Variants in P2RY8 observed in about 807,000 individuals in gnomAD.
P2RY8 encodes the protein P2Y receptor family member 8.
In P2RY8, 6 loss-of-function variants were observed where a neutral mutation model predicts 10.0. The ratio of observed to expected loss-of-function variants is 0.60; its 90% CI spans 0.33 to 1.19. The LOEUF (loss-of-function observed/expected upper bound fraction) is 1.19. P2RY8 is among the 50% of genes most tolerant of loss of function. P2RY8 has a pLI of 0.04. For synonymous variants in P2RY8, 276 were observed against 252.5 expected, an observed-to-expected ratio of 1.09 and a Z score of -0.88; for missense variants, 456 against 542.0, an observed-to-expected ratio of 0.84 and a Z score of 1.58.
chrX:1,535,704 C>G (rs772780828), intron 1 of P2RY8, among the ~76,000 whole-genome samples: 159 of 147,796 alleles, frequency 1.1e-3, no homozygotes, highest in African/African-American at 3.6e-3. Flanking sequence ...CACACACACA[C>G]ACACACACAC....
intron 1 of P2RY8, among the ~76,000 whole-genome samples, chrX:1,535,031 A>T (rs1185779575): frequency 6.6e-6 from 1 of 151,812 alleles, no homozygotes; most frequent in Middle Eastern, 3.2e-3. Flanking sequence ...CGTCCCATGC[A>T]CGCCTCTCTC....
chrX:1,509,356 C>A (rs2092272509), intron 1 of P2RY8, among the ~76,000 whole-genome samples: 1 of 148,622 alleles, frequency 6.7e-6, no homozygotes, highest in Admixed American at 6.8e-5. Context: ...TCCATCCATC[C>A]ATCCATCCAT....
intron 1 of P2RY8, among the ~76,000 whole-genome samples, chrX:1,472,131 G>A (rs1271589115): frequency 6.6e-6 from 1 of 151,810 alleles, no homozygotes; most frequent in Non-Finnish European, 1.5e-5. Flanking sequence ...AGTTGTCGTG[G>A]GCCACACCCT....
At chrX:1,502,936 A>T (rs2092194338) in intron 1 of P2RY8, among the ~76,000 whole-genome samples, 1 of 151,402 alleles carries the variant, frequency 6.6e-6, no homozygotes, top group Non-Finnish European at 1.5e-5. Context: ...TGAACAGCGG[A>T]TCCTGGAAAG....
intron 1 of P2RY8, among the ~76,000 whole-genome samples, chrX:1,510,690 G>A (rs1326864886): frequency 3.3e-5 from 5 of 151,700 alleles, no homozygotes; most frequent in Admixed American, 2.0e-4. Context: ...CCAGCCTGGC[G>A]ACCACAGTGA....
At chrX:1,526,680 TCATC>T (rs1159146608) in intron 1 of P2RY8, among the ~76,000 whole-genome samples, 56 of 151,444 alleles carry the variant, frequency 3.7e-4, no homozygotes, top group African/African-American at 1.2e-3. Context: ...TATTCAGCAT[TCATC>T]CATCCATCCA....
In P2RY8 at chrX:1,465,588, C is replaced by G; in HGVS notation, c.971G>C (p.Ser324Thr). The G allele has an allele frequency of 1.9e-6, 3 of 1,613,004 alleles. No homozygotes were observed. The highest frequency in any genetic ancestry group is 1.7e-6 in the Non-Finnish European group (2 of 1,179,810). ...GGACGTGGTCCTGGCGGAGAAGAGGCTCTCGCGGCGCGTGTCCAGGGTGTC... is the reference window on the plus strand; with the variant it reads ...GGACGTGGTCCTGGCGGAGAAGAGGGTCTCGCGGCGCGTGTCCAGGGTGTC... Reference protein sequence around the residue: ...PRDTLDTRRESLFSARTTSVR... With the variant: ...PRDTLDTRRETLFSARTTSVR... The change falls in exon 2 of 2, where the codon AGC (serine) becomes ACC (threonine). Residue 324 changes from serine (S) to threonine (T), a missense_variant. Transcript: ENST00000381297.
At chrX:1,513,893 A>G (rs1386009946) in intron 1 of P2RY8, among the ~76,000 whole-genome samples, 2 of 152,118 alleles carry the variant, frequency 1.3e-5, no homozygotes, top group Non-Finnish European at 2.9e-5. Flanking sequence ...TCTGTCTCTC[A>G]GAAGTGAACC....
chrX:1,523,110 TAAATA>T (rs1238181713), intron 1 of P2RY8, among the ~76,000 whole-genome samples: 104 of 148,816 alleles, frequency 7.0e-4, no homozygotes, highest in African/African-American at 2.5e-3. Context: ...AATAAATAAA[TAAATA>T]AATAAAACAA....
rs188558385 is a variant in P2RY8, at chrX:1,471,722, G to A, written c.-24-5140C>T. Among the ~76,000 whole-genome samples the A allele has an allele frequency of 3.3e-4, 50 of 152,170 alleles. No individual in the cohort carries two copies. In the East Asian group the frequency reaches 5.8e-3, roughly 18 times the overall value. On this transcript the variant is annotated intron_variant, in intron 1 of 1. Transcript: ENST00000381297. ...GCAGTGATCACTACAGTCTTGTTCC[G>A]GGTGGACCTTACAGGGTTGGGATGA...
intron 1 of P2RY8, among the ~76,000 whole-genome samples, chrX:1,468,286 A>G (rs1350219950): frequency 2.6e-5 from 4 of 152,184 alleles, no homozygotes; most frequent in Admixed American, 2.6e-4. Context: ...CCTCGCACAC[A>G]TTTAAACACC....
chrX:1,534,248 A>G lies in P2RY8; in HGVS notation c.-25+2673T>C, dbSNP rs778728822. The stretch of plus-strand genomic sequence containing the variant: ...ATATATTATATATTATTTATATATA[A>G]TTATTTATATAATTATATATGTAAT... On this transcript the variant is annotated intron_variant, in intron 1 of 1. Coordinates refer to ENST00000381297, the MANE Select transcript of P2RY8 (RefSeq NM_178129.5). Among the ~76,000 whole-genome samples the G allele has an allele frequency of 9.0e-4, 129 of 142,690 alleles. No homozygotes were observed. The Middle Eastern group carries it at 0.011, about 12-fold the overall frequency. The allele number at this position is 142,690 out of a possible 152,430, so 93.6% of individuals were successfully genotyped here. A position where few individuals can be genotyped will look rare whatever the true frequency, so the allele number is the denominator to read the frequency against.
intron 1 of P2RY8, among the ~76,000 whole-genome samples, chrX:1,478,484 TA>T (rs1219799733): frequency 6.6e-6 from 1 of 151,876 alleles, no homozygotes; most frequent in African/African-American, 2.4e-5. Context: ...TTTATTTATT[TA>T]TTTATTTTTT....
intron 1 of P2RY8, among the ~76,000 whole-genome samples, chrX:1,512,263 C>T (rs1164148937): frequency 2.0e-5 from 3 of 152,080 alleles, no homozygotes; most frequent in African/African-American, 7.2e-5. Context: ...AAAGACATAC[C>T]TGGCTGGGCG....
intron 1 of P2RY8, among the ~76,000 whole-genome samples, chrX:1,473,679 T>TGGATGG: frequency 1.2e-5 from 1 of 83,876 alleles, no homozygotes. Flanking sequence ...TGGGTGGATG[T>TGGATGG]ATAGATGAGT....
chrX:1,514,295 G>A (rs183927005), intron 1 of P2RY8, among the ~76,000 whole-genome samples: 6 of 151,752 alleles, frequency 4.0e-5, no homozygotes, highest in East Asian at 3.9e-4. Context: ...ATGGACACCC[G>A]CCCCTTTCCT....
rs190222036 is a variant in P2RY8, at chrX:1,498,563, G to A, written c.-24-31981C>T. On this transcript the variant is annotated intron_variant, in intron 1 of 1. Coordinates refer to ENST00000381297, the MANE Select transcript of P2RY8 (RefSeq NM_178129.5). ...ACGGAGTTTTCCTCTTGTCACCCAG[G>A]CTAGAGTGCAGTGGCACAATCTTGG... Among the ~76,000 whole-genome samples the A allele has an allele frequency of 3.0e-3, 458 of 151,324 alleles. 1 individual carries two copies. The highest frequency in any genetic ancestry group is 0.011 in the African/African-American group (436 of 41,278).
chrX:1,478,214 A>G (rs1220283155), intron 1 of P2RY8, among the ~76,000 whole-genome samples: 2 of 147,438 alleles, frequency 1.4e-5, no homozygotes, highest in East Asian at 1.9e-4. Flanking sequence ...ATGGACACCA[A>G]TGCTTTTAAA....
chrX:1,494,757 GT>G (rs2092100240), intron 1 of P2RY8, among the ~76,000 whole-genome samples: 1 of 152,174 alleles, frequency 6.6e-6, no homozygotes, highest in Non-Finnish European at 1.5e-5. Context: ...CCAACCTGGA[GT>G]GCAATGGCAC....
Sources: gnomAD v4.1 joint callset for allele counts (sites outside exome capture counted in the v4.1 genomes callset) on GRCh38, gnomAD v4.1.1 for gene constraint, MANE v1.5 for transcripts, NCBI Gene and HGNC (gene_info 2026-07-23, HGNC 2026-07-21) for gene names.